Variants in DGKB observed in about 807,000 individuals in gnomAD.
The protein encoded by DGKB is diacylglycerol kinase beta.
Under a neutral mutation model 114.3 loss-of-function variants are expected in DGKB, and 67 were observed. The ratio of observed to expected loss-of-function variants is 0.59; its 90% CI spans 0.48 to 0.72. The LOEUF is 0.72. Among genes scored for constraint, DGKB ranks in the 30% least tolerant of loss-of-function variants. The pLI is 0.00. For synonymous variants in DGKB, 398 were observed against 323.1 expected, an observed-to-expected ratio of 1.23 and a Z score of -2.49; for missense variants, 907 against 975.2, an observed-to-expected ratio of 0.93 and a Z score of 0.93.
intron 23 of DGKB, among the ~76,000 whole-genome samples, chr7:14,233,323 T>A (rs965085669): frequency 6.6e-6 from 1 of 152,060 alleles, no homozygotes; most frequent in African/African-American, 2.4e-5. Flanking sequence ...TGAAGAGCAA[T>A]GTCAAAGTCT....
At chr7:14,434,534 G>C (rs1460306531) in intron 21 of DGKB, among the ~76,000 whole-genome samples, 2 of 152,092 alleles carry the variant, frequency 1.3e-5, no homozygotes, top group Non-Finnish European at 2.9e-5. Flanking sequence ...AGCCATGCTG[G>C]AAAACATACA....
intron 21 of DGKB, among the ~76,000 whole-genome samples, chr7:14,380,504 C>T (rs1199606422): frequency 2.6e-5 from 4 of 152,024 alleles, no homozygotes; most frequent in African/African-American, 4.8e-5. Context: ...ATAAATATCA[C>T]TCATATTGTT....
chr7:14,721,000 T>C (rs1829079718), intron 5 of DGKB, among the ~76,000 whole-genome samples: 1 of 152,190 alleles, frequency 6.6e-6, no homozygotes, highest in Non-Finnish European at 1.5e-5. Context: ...AACACAGCAC[T>C]TGAATTATGG....
chr7:14,743,883 A>C (rs922957560), intron 4 of DGKB, among the ~76,000 whole-genome samples: 1 of 152,104 alleles, frequency 6.6e-6, no homozygotes, highest in Non-Finnish European at 1.5e-5. Flanking sequence ...TAAAAGTTTG[A>C]TGGGTGTTCT....
intron 1 of DGKB, among the ~76,000 whole-genome samples, chr7:14,912,063 T>C (rs995129938): frequency 3.3e-5 from 5 of 152,214 alleles, no homozygotes; most frequent in Non-Finnish European, 7.3e-5. Flanking sequence ...TAACAAATTC[T>C]GATTTTTCTT....
chr7:14,891,646 C>T (rs774765157), intron 1 of DGKB, among the ~76,000 whole-genome samples: 3 of 151,292 alleles, frequency 2.0e-5, no homozygotes, highest in Non-Finnish European at 3.0e-5. Flanking sequence ...GTAGGGTTAA[C>T]GTCATTGAGG....
intron 23 of DGKB, among the ~76,000 whole-genome samples, chr7:14,268,362 CAATA>C (rs1260618331): frequency 2.0e-5 from 3 of 151,798 alleles, no homozygotes; most frequent in Non-Finnish European, 2.9e-5. Context: ...TCTACAACAG[CAATA>C]AATAAATAAA....
chr7:14,762,342 C>G (rs994954877), intron 2 of DGKB, among the ~76,000 whole-genome samples: 6 of 152,096 alleles, frequency 3.9e-5, no homozygotes, highest in African/African-American at 1.4e-4. Context: ...AATGCACACA[C>G]CCTGTCAATC....
At chr7:14,933,751 C>T (rs1785145986) in intron 1 of DGKB, among the ~76,000 whole-genome samples, 2 of 152,052 alleles carry the variant, frequency 1.3e-5, no homozygotes, top group Admixed American at 6.6e-5. Flanking sequence ...ATACAAATTT[C>T]CTCGTTTGTC....
chr7:14,710,144 T>C (rs1038582708), intron 6 of DGKB, among the ~76,000 whole-genome samples: 2 of 152,128 alleles, frequency 1.3e-5, no homozygotes, highest in East Asian at 1.9e-4. Flanking sequence ...AGTCTTGAAA[T>C]CTACAACCAT....
intron 19 of DGKB, among the ~76,000 whole-genome samples, chr7:14,575,662 T>G (rs2128713140): frequency 6.6e-6 from 1 of 152,316 alleles, no homozygotes; most frequent in East Asian, 1.9e-4. Context: ...CATCAGAATT[T>G]GAAATATTGT....
chr7:14,224,373 A>AT (rs1394098133), intron 23 of DGKB, among the ~76,000 whole-genome samples: 1 of 151,854 alleles, frequency 6.6e-6, no homozygotes, highest in East Asian at 1.9e-4. Context: ...TATTGATAGC[A>AT]TTTATTTGCT....
chr7:14,821,203 C>G lies in DGKB; in HGVS notation c.70+19991G>C, dbSNP rs1054916339. Reference sequence around the variant, plus strand: ...ACAAGTTTCTTTCTATATATGAAGACTATAGCTATTTTTTCTATTTACCCT... The same window carrying G: ...ACAAGTTTCTTTCTATATATGAAGAGTATAGCTATTTTTTCTATTTACCCT... On this transcript the variant is annotated intron_variant, in intron 2 of 25. Coordinates refer to ENST00000402815, the MANE Select transcript of DGKB (RefSeq NM_001350709.2). 2.6e-5 allele frequency among the ~76,000 whole-genome samples: 4 copies of G among 152,214 alleles called. No homozygotes were observed. In the East Asian group the frequency reaches 7.7e-4, roughly 29 times the overall value.
chr7:14,673,901 A>C (rs1348116183), intron 12 of DGKB, among the ~76,000 whole-genome samples: 1 of 152,130 alleles, frequency 6.6e-6, no homozygotes, highest in Non-Finnish European at 1.5e-5. Flanking sequence ...CAATAAGATA[A>C]CATGTTATGT....
chr7:14,576,725 T>C (rs1331245394), intron 19 of DGKB, among the ~76,000 whole-genome samples: 1 of 152,126 alleles, frequency 6.6e-6, no homozygotes, highest in Non-Finnish European at 1.5e-5. Flanking sequence ...GGAGAGAACA[T>C]GATAGGAATG....
intron 1 of DGKB, among the ~76,000 whole-genome samples, chr7:14,947,668 T>C (rs1785959327): frequency 6.7e-6 from 1 of 148,888 alleles, no homozygotes; most frequent in African/African-American, 2.5e-5. Context: ...TCTTAATTTG[T>C]ATCATGTATG....
chr7:14,821,710 C>T (rs962139682), intron 2 of DGKB, among the ~76,000 whole-genome samples: 2 of 152,070 alleles, frequency 1.3e-5, no homozygotes, highest in African/African-American at 2.4e-5. Flanking sequence ...TACATCAGGA[C>T]ATCAAGATTT....
At chr7:14,935,353 G>C (rs536694401) in intron 1 of DGKB, among the ~76,000 whole-genome samples, 3 of 152,166 alleles carry the variant, frequency 2.0e-5, no homozygotes, top group Non-Finnish European at 2.9e-5. Context: ...TTAATAACAG[G>C]CGTCAATGAT....
chr7:14,472,288 C>G (rs938103850), intron 21 of DGKB, among the ~76,000 whole-genome samples: 5 of 152,138 alleles, frequency 3.3e-5, no homozygotes, highest in African/African-American at 1.2e-4. Flanking sequence ...ATGCTGTTCT[C>G]ATGATAATGA....
Sources: gnomAD v4.1 joint callset for allele counts (sites outside exome capture counted in the v4.1 genomes callset) on GRCh38, gnomAD v4.1.1 for gene constraint, MANE v1.5 for transcripts, NCBI Gene and HGNC (gene_info 2026-07-23, HGNC 2026-07-21) for gene names.